SCEL: variants seen among roughly 807,000 people sequenced by gnomAD.
SCEL encodes the protein sciellin.
A neutral mutation model predicts 117.6 loss-of-function variants in SCEL; 113 were observed. The observed-to-expected ratio is 0.96, with a 90% CI of 0.83 to 1.12. SCEL has a LOEUF of 1.12. Ranked by LOEUF, SCEL falls within the 50% of genes most tolerant of loss-of-function variation. The pLI, the probability that SCEL is intolerant of heterozygous loss-of-function variation, is 0.00. For synonymous variants in SCEL, 270 were observed against 256.2 expected, an observed-to-expected ratio of 1.05 and a Z score of -0.51; for missense variants, 785 against 810.8, an observed-to-expected ratio of 0.97 and a Z score of 0.39.
chr13:77,635,403 A>T (rs1457125961), intron 29 of SCEL, among the ~76,000 whole-genome samples: 3 of 152,240 alleles, frequency 2.0e-5, no homozygotes, highest in African/African-American at 7.2e-5. Context: ...AGTAATATCA[A>T]ATAGTATCAT....
chr13:77,558,551 C>T (rs1471100520), intron 3 of SCEL, among the ~76,000 whole-genome samples: 1 of 152,056 alleles, frequency 6.6e-6, no homozygotes, highest in Non-Finnish European at 1.5e-5. Context: ...TGGTGGATCA[C>T]TCCTGTTATC....
In SCEL at chr13:77,644,262, G is replaced by A. The variant is rs1349190709; in HGVS notation, c.2055G>A (p.Lys685=). The change falls in exon 33 of 33, where the codon AAG becomes AAA. Residue 685 remains lysine, a synonymous_variant. Coordinates refer to ENST00000349847, the MANE Select transcript of SCEL (RefSeq NM_144777.3). The stretch of plus-strand genomic sequence containing the variant: ...CTTTTTTCTTTTAATTTGCAGCAAA[G>A]TGGATTCCATAACTCTGGCACAAGG... ...CEPCYSKIMA[K]WIP The A allele has an allele frequency of 1.2e-6, 2 of 1,613,124 alleles. No individual in the cohort carries two copies. Among genetic ancestry groups the A allele is most frequent in the Admixed American group, 1.7e-5 (1 of 59,980 alleles).
chr13:77,639,771 G>A (rs915986381), intron 30 of SCEL, among the ~76,000 whole-genome samples: 3 of 151,966 alleles, frequency 2.0e-5, no homozygotes, highest in Non-Finnish European at 4.4e-5. Flanking sequence ...CATATAAAGG[G>A]CTATATAAAT....
chr13:77,557,094 AAG>A (rs1024018269), intron 3 of SCEL, among the ~76,000 whole-genome samples: 3 of 152,246 alleles, frequency 2.0e-5, no homozygotes, highest in East Asian at 1.9e-4. Context: ...AATAAACAAA[AAG>A]AGTGTAATTC....
chr13:77,632,255 A>G (rs2090058602), intron 28 of SCEL, among the ~76,000 whole-genome samples: 2 of 152,200 alleles, frequency 1.3e-5, no homozygotes, highest in African/African-American at 2.4e-5. Flanking sequence ...GGATTTTGCA[A>G]ACTGGTGATT....
intron 1 of SCEL, among the ~76,000 whole-genome samples, chr13:77,542,953 G>A (rs2083787600): frequency 6.6e-6 from 1 of 152,136 alleles, no homozygotes; most frequent in African/African-American, 2.4e-5. Flanking sequence ...GGTGGGGTTG[G>A]CACTGTTACC....
At chr13:77,602,863 TC>T (rs1278529390) in intron 17 of SCEL, 150 bp downstream of exon 17, 1 of 675,218 alleles carries the variant, frequency 1.5e-6, no homozygotes, top group Admixed American at 3.0e-5. Flanking sequence ...TACAGTATAT[TC>T]GATCTAAATT....
intron 15 of SCEL, 52 bp downstream of exon 15, chr13:77,599,800 A>G (rs376425810): frequency 2.5e-5 from 33 of 1,324,116 alleles, no homozygotes; most frequent in Non-Finnish European, 3.4e-5. Flanking sequence ...ATGGTGTACT[A>G]TTTTCTGGAG....
At position 77,644,344 on chromosome 13, in the gene SCEL, A is replaced by G. The variant is rs2090699104; in HGVS notation, c.*70A>G. 2 of 1,473,310 alleles carry G rather than the reference A, an allele frequency of 1.4e-6. No homozygotes were observed. Among genetic ancestry groups the G allele is most frequent in the Non-Finnish European group, 1.9e-6 (2 of 1,059,580 alleles). The allele number at this position is 1,473,310 out of a possible 1,614,324, so 91.3% of individuals were successfully genotyped here. On this transcript the variant is annotated 3_prime_UTR_variant, in exon 33 of 33. Coordinates refer to ENST00000349847, the MANE Select transcript of SCEL (RefSeq NM_144777.3). ...TAAAGTTACAAGTTTTATCTTAATA[A>G]TATGTAATCTAGAAAAGCTTTCACA... is the stretch of plus-strand genomic sequence containing the variant.
At chr13:77,553,148 G>A (rs1200322889) in intron 1 of SCEL, among the ~76,000 whole-genome samples, 2 of 152,148 alleles carry the variant, frequency 1.3e-5, no homozygotes, top group Non-Finnish European at 2.9e-5. Flanking sequence ...AATTTTGGAG[G>A]AACGTGACTT....
chr13:77,621,603 G>A (rs537167565), intron 27 of SCEL, among the ~76,000 whole-genome samples: 1 of 152,288 alleles, frequency 6.6e-6, no homozygotes, highest in Non-Finnish European at 1.5e-5. Context: ...GTCTTTAAGG[G>A]TAACTACGGG....
chr13:77,594,853 GA>G (rs2087126986), intron 12 of SCEL, among the ~76,000 whole-genome samples: 2 of 152,190 alleles, frequency 1.3e-5, no homozygotes, highest in Admixed American at 1.3e-4. Flanking sequence ...AAGAATTGAA[GA>G]GAAGAAAATG....
intron 19 of SCEL, among the ~76,000 whole-genome samples, chr13:77,606,168 G>A (rs750778057): frequency 2.6e-5 from 4 of 152,164 alleles, no homozygotes; most frequent in South Asian, 2.1e-4. Flanking sequence ...ATGTACATGA[G>A]TGTGTGCATT....
intron 27 of SCEL, among the ~76,000 whole-genome samples, chr13:77,620,329 A>G (rs2089341546): frequency 6.6e-6 from 1 of 152,170 alleles, no homozygotes; most frequent in African/African-American, 2.4e-5. Flanking sequence ...TATAAAGGAG[A>G]GTATTTTAAA....
chr13:77,600,420 C>T (rs1310116063), intron 15 of SCEL, among the ~76,000 whole-genome samples: 4 of 152,030 alleles, frequency 2.6e-5, no homozygotes, highest in East Asian at 1.9e-4. Flanking sequence ...TGAGCCACCA[C>T]GCCCGGCCAC....
intron 22 of SCEL, among the ~76,000 whole-genome samples, chr13:77,610,449 C>A (rs2088568502): frequency 7.1e-5 from 8 of 112,506 alleles, no homozygotes; most frequent in East Asian, 5.1e-4. Flanking sequence ...AAGACTCCGT[C>A]AAAAAAAAAA....
chr13:77,619,132 AG>A (rs1371925885), intron 27 of SCEL, among the ~76,000 whole-genome samples: 11 of 152,224 alleles, frequency 7.2e-5, no homozygotes, highest in African/African-American at 2.2e-4. Context: ...AAGGACAAAA[AG>A]AAATTAACAT....
intron 28 of SCEL, 48 bp downstream of exon 28, chr13:77,628,057 T>G: frequency 1.4e-5 from 9 of 656,766 alleles, no homozygotes; most frequent in Non-Finnish European, 2.2e-5. Flanking sequence ...TCTATATGCA[T>G]CTGCATATAT....
rs112738355 is a variant in SCEL, at chr13:77,549,942, C to A, written c.-19-5915C>A. 2.6e-5 allele frequency among the ~76,000 whole-genome samples: 4 copies of A among 151,670 alleles called. 1 individual carries two copies. Among genetic ancestry groups the A allele is most frequent in the African/African-American group, 9.7e-5 (4 of 41,338 alleles). On this transcript the variant is annotated intron_variant, in intron 1 of 32. Coordinates refer to ENST00000349847, the MANE Select transcript of SCEL (RefSeq NM_144777.3). ...CTGATTCCATTTTATTCTGGCAAAA[C>A]CGCACGGGCCATATAAGAGTGTCTT...
Sources: gnomAD v4.1 joint callset for allele counts (sites outside exome capture counted in the v4.1 genomes callset) on GRCh38, gnomAD v4.1.1 for gene constraint, MANE v1.5 for transcripts, NCBI Gene and HGNC (gene_info 2026-07-23, HGNC 2026-07-21) for gene names.